The following LIMS2 variants were observed in gnomAD, a reference collection of about 807,000 sequenced individuals.
LIMS2 encodes LIM and senescent cell antigen-like-containing domain protein 2.
In LIMS2, 30 loss-of-function variants were observed where a neutral mutation model predicts 45.3. The observed-to-expected ratio is 0.66, with a 90% confidence interval of 0.50 to 0.90. LIMS2 has a LOEUF of 0.90. Among genes scored for constraint, LIMS2 ranks in the 40% least tolerant of loss-of-function variants. The pLI, the probability that LIMS2 is intolerant of heterozygous loss-of-function variation, is 0.00. For missense variants in LIMS2, 485 were observed against 468.7 expected (o/e 1.03, Z -0.32); for synonymous variants, 173 against 188.0 (o/e 0.92, Z 0.65).
rs898690802 is a variant in LIMS2, at chr2:127,642,321, C to T, written c.510-122G>A. ...CCATTCTGTCCCTGCAGAGCCGAGG[C>T]GGCAGCGCCTTCTGATCTCTGGGCA... On this transcript the variant is annotated intron_variant, in intron 5 of 9. Transcript: ENST00000355119. This position sits in a 1 kb window ranked among gnomAD's most constrained non-coding sequence, Gnocchi z 5.3. 2.0e-5 allele frequency: 24 copies of T among 1,181,072 alleles called. No individual in the cohort carries two copies. Among genetic ancestry groups the T allele is most frequent in the Middle Eastern group, 2.9e-4 (1 of 3,390 alleles). The allele number at this position is 1,181,072 out of a possible 1,614,324, so 73.2% of individuals were successfully genotyped here.
chr2:127,668,699 A>ACC (rs1312469992), intron 1 of LIMS2, among the ~76,000 whole-genome samples: 4 of 98,064 alleles, frequency 4.1e-5, no homozygotes, highest in East Asian at 2.9e-4. Flanking sequence ...AAAAAAAAAA[A>ACC]AAAAAAAAAA....
intron 1 of LIMS2, chr2:127,674,599 A>T: frequency 1.0e-6 from 1 of 980,010 alleles, no homozygotes; most frequent in Non-Finnish European, 1.2e-6. Context: ...AGGAAACGGA[A>T]GGCTCCAGAG....
intron 1 of LIMS2, chr2:127,674,807 G>A (rs1219939822): frequency 6.1e-6 from 6 of 985,302 alleles, no homozygotes; most frequent in Non-Finnish European, 7.2e-6. Flanking sequence ...ACCTTCCGCT[G>A]CAGGCGCTCG....
chr2:127,661,555 T>C (rs1684661285), intron 1 of LIMS2, among the ~76,000 whole-genome samples: 1 of 151,958 alleles, frequency 6.6e-6, no homozygotes, highest in African/African-American at 2.4e-5. Context: ...TGTCCAGTTA[T>C]CCCCCAGGAG....
At chr2:127,656,778 CTGCCTCT>C (rs2105300970) in intron 2 of LIMS2, among the ~76,000 whole-genome samples, 2 of 152,314 alleles carry the variant, frequency 1.3e-5, no homozygotes, top group South Asian at 2.1e-4. Flanking sequence ...GAGGTGGCTC[CTGCCTCT>C]TGCAGAGGGG....
At position 127,664,641 on chromosome 2, in the gene LIMS2, G is replaced by T. The variant is rs973337826; in HGVS notation, c.12-7079C>A. The T allele has an allele frequency of 2.8e-6, 3 of 1,087,874 alleles. No individual in the cohort carries two copies. The highest frequency in any genetic ancestry group is 1.0e-4 in the Admixed American group (2 of 19,228). 67.4% of individuals were successfully genotyped at this position (1,087,874 alleles called of 1,614,324 possible). A position where few individuals can be genotyped will look rare whatever the true frequency, so the allele number is the denominator to read the frequency against. On this transcript the variant is annotated intron_variant, in intron 1 of 9. Transcript: ENST00000355119. This position sits in a 1 kb window ranked among gnomAD's most constrained non-coding sequence, Gnocchi z 5.5. ...CTCCTGAAAGCTGAGGCTGGCGGGG[G>T]TTGGGTCCCGCTGGGAGGGGACTGG...
intron 1 of LIMS2, among the ~76,000 whole-genome samples, chr2:127,659,034 C>A (rs1436986254): frequency 1.3e-5 from 2 of 151,850 alleles, no homozygotes; most frequent in Non-Finnish European, 2.9e-5. Context: ...AGAAGAGGGG[C>A]CTTAGGATGA....
Position 127,643,023 on chromosome 2 carries a change from T to C in LIMS2, c.409A>G (p.Lys137Glu). ...HNREKAKGLG[K>E]YICQRCHLVI... Reference sequence around the variant, plus strand: ...AGGTGGCACCGCTGGCAGATGTACTTGCCCAGGCCCTTGGCCTTCTCACGG... The same window carrying C: ...AGGTGGCACCGCTGGCAGATGTACTCGCCCAGGCCCTTGGCCTTCTCACGG... The change falls in exon 5 of 10, where the codon AAG becomes GAG. Residue 137 changes from lysine (K) to glutamate (E), a missense_variant. Coordinates refer to ENST00000355119, the MANE Select transcript of LIMS2 (RefSeq NM_001161403.3). 4 of 1,587,286 alleles carry C rather than the reference T, an allele frequency of 2.5e-6. No individual in the cohort carries two copies. Among genetic ancestry groups the C allele is most frequent in the South Asian group, 1.2e-5 (1 of 86,916 alleles).
At chr2:127,650,629 C>T in intron 4 of LIMS2, 4 of 891,484 alleles carry the variant, frequency 4.5e-6, no homozygotes, top group South Asian at 1.6e-5. Flanking sequence ...GTTCTGAAGG[C>T]ATTGGAGGCC....
In LIMS2 at chr2:127,651,063, C is replaced by T. The variant is rs778017229; in HGVS notation, c.359+3361G>A. Reference sequence around the variant, plus strand: ...AATCGCATGCCGTCTCACCGGCTTCCTCTTCTACCTCAACATGTACGCCAG... The same window carrying T: ...AATCGCATGCCGTCTCACCGGCTTCTTCTTCTACCTCAACATGTACGCCAG... On this transcript the variant is annotated intron_variant, in intron 4 of 9. Transcript: ENST00000355119. The T allele has an allele frequency of 2.8e-5, 45 of 1,613,672 alleles. No individual in the cohort carries two copies. Among genetic ancestry groups the T allele is most frequent in the African/African-American group, 4.0e-5 (3 of 74,948 alleles).
chr2:127,654,053 T>C (rs934348151), intron 4 of LIMS2, among the ~76,000 whole-genome samples: 1 of 151,844 alleles, frequency 6.6e-6, no homozygotes, highest in Admixed American at 6.6e-5. Context: ...GGAGTACCCA[T>C]GAGGTTTGTG....
At chr2:127,643,101 A>G (rs769483874) in intron 4 of LIMS2, 29 bp from the exon 5 acceptor site, 66 of 1,546,636 alleles carry the variant, frequency 4.3e-5, no homozygotes, top group South Asian at 3.1e-4. Context: ...TTAGGGGCAG[A>G]GCCCCCACTC....
At chr2:127,675,895 G>C (rs1178726623), upstream of LIMS2, among the ~76,000 whole-genome samples, 1 of 152,228 alleles carries the variant, frequency 6.6e-6, no homozygotes, top group Non-Finnish European at 1.5e-5. Context: ...CCCCCGTTGC[G>C]GGCCATCGCC....
At chr2:127,666,626 A>G (rs1348480004) in intron 1 of LIMS2, among the ~76,000 whole-genome samples, 1 of 137,856 alleles carries the variant, frequency 7.3e-6, no homozygotes, top group Non-Finnish European at 1.6e-5. Flanking sequence ...ATCCAAATGT[A>G]TCAGTCTAAA....
intron 1 of LIMS2, among the ~76,000 whole-genome samples, chr2:127,670,954 C>T (rs1685245256): frequency 6.6e-6 from 1 of 152,250 alleles, no homozygotes; most frequent in Non-Finnish European, 1.5e-5. Context: ...GTCACCTCAT[C>T]TCAGCAAGAC....
At position 127,664,359 on chromosome 2, in the gene LIMS2, C is replaced by T. The variant is rs1684876608; in HGVS notation, c.12-6797G>A. On this transcript the variant is annotated intron_variant, in intron 1 of 9. Coordinates refer to ENST00000355119, the MANE Select transcript of LIMS2 (RefSeq NM_001161403.3). The surrounding 1 kb of genome is among the most constrained non-coding windows in gnomAD (Gnocchi z 5.5). ...GCTGGCGCCGCCGGTACAGCCCCGA[C>T]GCGGCCAGCGCACCCAGCCGGGCCG... 2 of 1,218,224 alleles carry T rather than the reference C, an allele frequency of 1.6e-6. No homozygotes were observed. Among genetic ancestry groups the T allele is most frequent in the Non-Finnish European group, 2.0e-6 (2 of 979,368 alleles). 75.5% of individuals were successfully genotyped at this position (1,218,224 alleles called of 1,614,324 possible).
At chr2:127,651,633 G>A (rs201125162) in intron 4 of LIMS2, 83 of 1,613,396 alleles carry the variant, frequency 5.1e-5, no homozygotes, top group Middle Eastern at 1.6e-4. Flanking sequence ...GTATTTCTTC[G>A]TGGCTGAGAA....
intron 1 of LIMS2, chr2:127,674,515 G>T: frequency 1.7e-6 from 1 of 598,294 alleles, no homozygotes; most frequent in Non-Finnish European, 2.1e-6. Context: ...GCTGGTGCTT[G>T]GGCGCAGCTC....
At position 127,642,950 on chromosome 2, in the gene LIMS2, G is replaced by C; in HGVS notation, c.482C>G (p.Pro161Arg). The C allele has an allele frequency of 6.4e-7, 1 of 1,566,574 alleles. No homozygotes were observed. The highest frequency in any genetic ancestry group is 8.7e-7 in the Non-Finnish European group (1 of 1,155,846). ...ACAGTGGGTGCAGTTGAAGTGGTCA[G>C]GGTGGTAGGCGTCGCTCCTGAACAT... ...PLMFRSDAYH[P>R]DHFNCTHCGK... The change falls in exon 5 of 10, where the codon CCT becomes CGT. Residue 161 changes from proline (P) to arginine (R), a missense_variant. Coordinates refer to ENST00000355119, the MANE Select transcript of LIMS2 (RefSeq NM_001161403.3). The surrounding 1 kb of genome is among the most constrained non-coding windows in gnomAD (Gnocchi z 5.3).
Sources: gnomAD v4.1 joint callset for allele counts (sites outside exome capture counted in the v4.1 genomes callset) on GRCh38, gnomAD v4.1.1 for gene constraint, Gnocchi (gnomAD v3.1) non-coding constraint, MANE v1.5 for transcripts, NCBI Gene and HGNC (gene_info 2026-07-23, HGNC 2026-07-21) for gene names.